HACL1: variants seen among roughly 807,000 people sequenced by gnomAD.
HACL1 encodes the protein 2-hydroxyacyl-CoA lyase 1.
A neutral mutation model predicts 74.2 loss-of-function variants in HACL1; 64 were observed. The observed-to-expected ratio is 0.86, with a 90% CI of 0.70 to 1.06. The LOEUF (loss-of-function observed/expected upper bound fraction) is 1.06, where lower values mean the gene tolerates loss of function less well. Ranked by LOEUF, HACL1 falls within the 50% of genes least tolerant of loss-of-function variation. The pLI is 0.00. For synonymous variants in HACL1, 230 were observed against 238.8 expected, an observed-to-expected ratio of 0.96 and a Z score of 0.34; for missense variants, 728 against 719.7, an observed-to-expected ratio of 1.01 and a Z score of -0.13.
chr3:15,588,620 AAGAC>A (rs1164516224), intron 5 of HACL1, among the ~76,000 whole-genome samples: 4 of 152,098 alleles, frequency 2.6e-5, no homozygotes, highest in East Asian at 1.9e-4. Flanking sequence ...GAAAGAAAGA[AAGAC>A]AGAGATAAGA....
At chr3:15,568,730 TGA>T (rs1345941711) in intron 12 of HACL1, 144 bp from the exon 13 acceptor site, 16 of 595,460 alleles carry the variant, frequency 2.7e-5, no homozygotes, top group Middle Eastern at 4.2e-4. Flanking sequence ...ATGGCCACTC[TGA>T]GAAGTTGGCT....
At chr3:15,567,635 T>C (rs573344493) in intron 14 of HACL1, among the ~76,000 whole-genome samples, 1 of 152,248 alleles carries the variant, frequency 6.6e-6, no homozygotes, top group South Asian at 2.1e-4. Context: ...TTTTACAGGT[T>C]TTTACCATAC....
chr3:15,563,278 T>TAGA, intron 16 of HACL1, 80 bp downstream of exon 16: 1 of 903,630 alleles, frequency 1.1e-6, no homozygotes, highest in South Asian at 1.5e-5. Flanking sequence ...ATAGAGGGTG[T>TAGA]TCTGTTTGGT....
chr3:15,584,216 C>A (rs953124615), intron 7 of HACL1, among the ~76,000 whole-genome samples: 4 of 152,080 alleles, frequency 2.6e-5, no homozygotes, highest in South Asian at 2.1e-4. Flanking sequence ...ACCCTCCTCC[C>A]CTTAGTAGTA....
intron 16 of HACL1, among the ~76,000 whole-genome samples, chr3:15,561,207 A>G (rs889093646): frequency 8.5e-5 from 13 of 152,240 alleles, no homozygotes; most frequent in African/African-American, 2.9e-4. Flanking sequence ...GGAGGCCCAC[A>G]GAGGGCTGAG....
chr3:15,580,186 G>A, intron 8 of HACL1, 141 bp from the exon 9 acceptor site: 1 of 661,290 alleles, frequency 1.5e-6, no homozygotes, highest in Non-Finnish European at 2.5e-6. Flanking sequence ...GGAGTGCAGT[G>A]GCATGATTTT....
chr3:15,573,881 C>G (rs1290760985), intron 10 of HACL1, among the ~76,000 whole-genome samples: 1 of 152,158 alleles, frequency 6.6e-6, no homozygotes, highest in Non-Finnish European at 1.5e-5. Flanking sequence ...CTTTAGCCAC[C>G]CCAAAGGGGA....
chr3:15,582,793 T>C (rs1047969568), intron 8 of HACL1, 84 bp downstream of exon 8: 2 of 676,032 alleles, frequency 3.0e-6, no homozygotes, highest in Non-Finnish European at 2.7e-6. Context: ...AACATTAGAA[T>C]AGACATTAAT....
intron 6 of HACL1, 140 bp downstream of exon 6, chr3:15,586,385 T>C (rs1195144949): frequency 1.1e-5 from 6 of 571,162 alleles, no homozygotes; most frequent in South Asian, 9.3e-5. Flanking sequence ...AAAATGTAAA[T>C]AGCTTTCTAA....
chr3:15,570,192 G>A (rs1023778793), intron 12 of HACL1, among the ~76,000 whole-genome samples: 1 of 150,702 alleles, frequency 6.6e-6, no homozygotes, highest in East Asian at 2.0e-4. Flanking sequence ...AAAATTAGCT[G>A]GGCGTGGTGG....
In HACL1 at chr3:15,600,445, T is replaced by C. The variant is rs368747252; in HGVS notation, c.186+645A>G. On this transcript the variant is annotated intron_variant, in intron 2 of 16. Transcript: ENST00000321169. ...CAAGGTGGATTGGCAGAGGATGCAC[T>C]TAAAGTGGATTGACAAAACGTCGTA... Among the ~76,000 whole-genome samples the C allele has an allele frequency of 2.0e-3, 301 of 152,378 alleles. 1 individual carries two copies. Among genetic ancestry groups the C allele is most frequent in the African/African-American group, 7.0e-3 (290 of 41,586 alleles).
At chr3:15,566,972 A>C (rs972049765) in intron 14 of HACL1, among the ~76,000 whole-genome samples, 4 of 151,396 alleles carry the variant, frequency 2.6e-5, no homozygotes, top group Admixed American at 2.6e-4. Context: ...GGCATGCACC[A>C]CCACATCTGG....
chr3:15,571,829 CTTTTTTTTTT>C (rs869072841), intron 11 of HACL1, 60 bp from the exon 12 acceptor site: 116 of 226,146 alleles, frequency 5.1e-4, no homozygotes, highest in East Asian at 3.4e-3. Context: ...CCTTTTTTTT[CTTTTTTTTTT>C]TTTTTTTTTT....
intron 3 of HACL1, among the ~76,000 whole-genome samples, chr3:15,595,284 A>G (rs1393851432): frequency 6.6e-6 from 1 of 152,254 alleles, no homozygotes; most frequent in Non-Finnish European, 1.5e-5. Context: ...GGCAGAAAAC[A>G]GTGACAATAG....
chr3:15,578,357 G>C (rs1303848834), intron 9 of HACL1, among the ~76,000 whole-genome samples: 1 of 152,046 alleles, frequency 6.6e-6, no homozygotes, highest in Non-Finnish European at 1.5e-5. Context: ...AAAGAAAAAA[G>C]TTATAGTATA....
intron 3 of HACL1, among the ~76,000 whole-genome samples, chr3:15,592,596 A>G (rs1377168786): frequency 2.4e-5 from 3 of 123,730 alleles, no homozygotes; most frequent in Non-Finnish European, 3.4e-5. Flanking sequence ...GTGTATACAC[A>G]TGTACGCACA....
chr3:15,567,112 G>T (rs904791512), intron 14 of HACL1, among the ~76,000 whole-genome samples: 1 of 151,188 alleles, frequency 6.6e-6, no homozygotes, highest in African/African-American at 2.4e-5. Context: ...GAGCTACCAC[G>T]CCCAGCCTTG....
intron 2 of HACL1, 32 bp from the exon 3 acceptor site, chr3:15,596,456 A>G (rs746783518): frequency 1.4e-6 from 2 of 1,421,672 alleles, no homozygotes; most frequent in South Asian, 2.3e-5. Context: ...ACTTGAGCAT[A>G]TTGGGATCCT....
At chr3:15,592,573 C>T (rs56110983) in intron 3 of HACL1, among the ~76,000 whole-genome samples, 1 of 142,500 alleles carries the variant, frequency 7.0e-6, no homozygotes, top group Admixed American at 7.3e-5. Flanking sequence ...TACACATGTA[C>T]GCACATGTGT....
Sources: allele counts gnomAD v4.1 joint callset (sites outside exome capture counted in the v4.1 genomes callset), GRCh38; gene constraint gnomAD v4.1.1; transcripts MANE v1.5; gene names NCBI Gene and HGNC (gene_info 2026-07-23, HGNC 2026-07-21).